The following GIPC2 variants were observed in gnomAD, a reference collection of about 807,000 sequenced individuals.
The protein encoded by GIPC2 is PDZ domain-containing protein GIPC2.
In GIPC2, 30 loss-of-function variants were observed where a neutral mutation model predicts 30.6. The observed-to-expected ratio is 0.98, with a 90% CI of 0.73 to 1.33. The LOEUF is 1.33. Among genes scored for constraint, GIPC2 ranks in the 40% most tolerant of loss-of-function variants. The pLI is 0.00. For missense variants in GIPC2, 414 were observed against 390.3 expected (o/e 1.06, Z -0.51); for synonymous variants, 167 against 150.0 (o/e 1.11, Z -0.83).
intron 1 of GIPC2, among the ~76,000 whole-genome samples, chr1:78,068,357 A>G (rs1192177529): frequency 6.6e-6 from 1 of 152,226 alleles, no homozygotes; most frequent in Non-Finnish European, 1.5e-5. Context: ...CAAGAAGCCC[A>G]GGATTGGGGC....
intron 3 of GIPC2, chr1:78,112,591 G>A (rs1201815402): frequency 1.9e-6 from 1 of 516,904 alleles, no homozygotes; most frequent in Non-Finnish European, 3.9e-6. Context: ...GCGGAAGTGG[G>A]GAGAATATAC....
intron 3 of GIPC2, among the ~76,000 whole-genome samples, chr1:78,106,520 A>G (rs1662356423): frequency 6.6e-6 from 1 of 152,162 alleles, no homozygotes; most frequent in African/African-American, 2.4e-5. Flanking sequence ...AGATCGCACC[A>G]CTGCACTCCA....
chr1:78,063,354 T>TG (rs1661440962), intron 1 of GIPC2, among the ~76,000 whole-genome samples: 1 of 151,518 alleles, frequency 6.6e-6, no homozygotes, highest in African/African-American at 2.4e-5. Context: ...TAGCTAGGTG[T>TG]GGTGGCATGC....
At chr1:78,105,110 A>G (rs771954556) in intron 3 of GIPC2, among the ~76,000 whole-genome samples, 1 of 152,166 alleles carries the variant, frequency 6.6e-6, no homozygotes, top group Non-Finnish European at 1.5e-5. Context: ...CCAGCTGGAT[A>G]CCTAAATATA....
intron 2 of GIPC2, among the ~76,000 whole-genome samples, chr1:78,088,646 C>T (rs1213002204): frequency 6.6e-6 from 1 of 151,950 alleles, no homozygotes; most frequent in Admixed American, 6.6e-5. Context: ...ATAGAAAATC[C>T]CTTAACCCCA....
At chr1:78,072,843 C>T (rs1374686706) in intron 1 of GIPC2, among the ~76,000 whole-genome samples, 3 of 152,106 alleles carry the variant, frequency 2.0e-5, no homozygotes, top group East Asian at 1.9e-4. Context: ...CTTGCTCTGT[C>T]GCCCAGGCTG....
chr1:78,117,161 A>T (rs7515450), intron 3 of GIPC2, among the ~76,000 whole-genome samples: 76,776 of 152,084 alleles, frequency 0.5, 20,866 homozygotes, highest in Non-Finnish European at 0.61. Context: ...AAACAACCTC[A>T]TGAAAAAGTG....
intron 3 of GIPC2, among the ~76,000 whole-genome samples, chr1:78,116,762 A>G (rs1437734972): frequency 1.3e-5 from 2 of 152,168 alleles, no homozygotes; most frequent in Non-Finnish European, 2.9e-5. Context: ...TCATTGATGG[A>G]CATTTGGGTT....
chr1:78,111,930 A>C (rs984369162), intron 3 of GIPC2, among the ~76,000 whole-genome samples: 1 of 152,242 alleles, frequency 6.6e-6, no homozygotes, highest in African/African-American at 2.4e-5. Context: ...TTGAACCAAA[A>C]TACTAATTTT....
In GIPC2 at chr1:78,136,608, C is replaced by CTTTTTTTTT. The variant is rs56230848; in HGVS notation, c.*878_*886dup. The CTTTTTTTTT allele has an allele frequency of 9.8e-6, 1 of 101,960 alleles. No homozygotes were observed. The highest frequency in any genetic ancestry group is 2.0e-5 in the Non-Finnish European group (1 of 50,508). The allele number at this position is 101,960 out of a possible 1,614,324, so 6.3% of individuals were successfully genotyped here. On this transcript the variant is annotated 3_prime_UTR_variant, in exon 6 of 6. Coordinates refer to ENST00000370759, the MANE Select transcript of GIPC2 (RefSeq NM_017655.6). ...TACTCAAAATAACTATGCTTTAGAACTTTTTTTTTTTTTTTTTTTTTGGTT... is the reference window on the plus strand; with the variant it reads ...TACTCAAAATAACTATGCTTTAGAACTTTTTTTTTTTTTTTTTTTTTTTTTTTTTTGGTT...
At chr1:78,131,282 C>T (rs1662891232) in intron 5 of GIPC2, among the ~76,000 whole-genome samples, 1 of 151,916 alleles carries the variant, frequency 6.6e-6, no homozygotes, top group South Asian at 2.1e-4. Context: ...GATCTCGGCT[C>T]ACTGCAAGCT....
intron 3 of GIPC2, among the ~76,000 whole-genome samples, chr1:78,098,960 C>G (rs1420547831): frequency 6.6e-6 from 1 of 152,102 alleles, no homozygotes; most frequent in Non-Finnish European, 1.5e-5. Context: ...GCCACCTAGT[C>G]TATGGTACTT....
intron 1 of GIPC2, among the ~76,000 whole-genome samples, chr1:78,074,548 T>C (rs1307363162): frequency 1.3e-5 from 2 of 152,212 alleles, no homozygotes; most frequent in East Asian, 3.8e-4. Flanking sequence ...CCATTTGATG[T>C]AGACCGAACT....
intron 1 of GIPC2, among the ~76,000 whole-genome samples, chr1:78,078,786 C>G (rs1571492086): frequency 7.5e-6 from 1 of 132,778 alleles, no homozygotes; most frequent in Non-Finnish European, 1.6e-5. Flanking sequence ...GGGTAAATTG[C>G]TTTTATATTG....
chr1:78,118,311 C>T (rs1376271581), intron 3 of GIPC2, among the ~76,000 whole-genome samples: 1 of 56,746 alleles, frequency 1.8e-5, no homozygotes, highest in African/African-American at 7.4e-5. Context: ...TCCCACAGCA[C>T]AATAAGTTAT....
In GIPC2 at chr1:78,046,010, G is replaced by A; in HGVS notation, c.-85G>A. 7.2e-7 allele frequency: 1 copy of A among 1,395,000 alleles called. No homozygotes were observed. The highest frequency in any genetic ancestry group is 9.3e-7 in the Non-Finnish European group (1 of 1,077,444). 86.4% of individuals were successfully genotyped at this position (1,395,000 alleles called of 1,614,324 possible). ...ATTGGAGGCTGCTTTTACCTGCGCG[G>A]GGCCCGGGGCGCAAAGTCCGAGGCG... On this transcript the variant is annotated 5_prime_UTR_variant, in exon 1 of 6. Coordinates refer to ENST00000370759, the MANE Select transcript of GIPC2 (RefSeq NM_017655.6).
chr1:78,116,520 A>G (rs1309490231), intron 3 of GIPC2, among the ~76,000 whole-genome samples: 9 of 146,728 alleles, frequency 6.1e-5, no homozygotes, highest in South Asian at 2.2e-4. Context: ...CCCACTCCAC[A>G]ACAGGCCCCG....
intron 1 of GIPC2, among the ~76,000 whole-genome samples, chr1:78,051,187 T>TA (rs200722957): frequency 0.022 from 3,101 of 140,148 alleles, 41 homozygotes; most frequent in Middle Eastern, 0.064. Flanking sequence ...TTGTAAAATG[T>TA]AAAAAAAAAA....
intron 3 of GIPC2, among the ~76,000 whole-genome samples, chr1:78,097,669 T>C (rs1366372424): frequency 6.6e-6 from 1 of 152,162 alleles, no homozygotes; most frequent in Non-Finnish European, 1.5e-5. Flanking sequence ...TTAATATTCT[T>C]TGATGGAGAG....
Sources: gnomAD v4.1 joint callset for allele counts (sites outside exome capture counted in the v4.1 genomes callset) on GRCh38, gnomAD v4.1.1 for gene constraint, MANE v1.5 for transcripts, NCBI Gene and HGNC (gene_info 2026-07-23, HGNC 2026-07-21) for gene names.